Variants in ARHGAP6 observed in about 807,000 individuals in gnomAD.
ARHGAP6 encodes the protein Rho GTPase activating protein 6.
Under a neutral mutation model 55.7 loss-of-function variants are expected in ARHGAP6, and 16 were observed. The ratio of observed to expected loss-of-function variants is 0.29; its 90% CI spans 0.19 to 0.44. The LOEUF is 0.44. Among genes scored for constraint, ARHGAP6 ranks in the 20% least tolerant of loss-of-function variants. The pLI, the probability that ARHGAP6 is intolerant of heterozygous loss-of-function variation, is 1.00. For synonymous variants in ARHGAP6, 382 were observed against 360.9 expected (o/e 1.06, Z -0.66); for missense variants, 698 against 808.9 (o/e 0.86, Z 1.66).
intron 1 of ARHGAP6, among the ~76,000 whole-genome samples, chrX:11,610,747 AT>A (rs1386929274): frequency 8.9e-6 from 1 of 112,003 alleles, no homozygotes; most frequent in East Asian, 2.8e-4. Flanking sequence ...TGCCACCATC[AT>A]CACACTTAAT....
chrX:11,627,214 CAT>C (rs2052308698), intron 1 of ARHGAP6, among the ~76,000 whole-genome samples: 3 of 111,269 alleles, frequency 2.7e-5, no homozygotes, highest in African/African-American at 6.5e-5. Context: ...GTCTCAATAT[CAT>C]ATGTGTGCCA....
intron 1 of ARHGAP6, among the ~76,000 whole-genome samples, chrX:11,500,105 T>C (rs979446450): frequency 8.9e-6 from 1 of 111,999 alleles, no homozygotes; most frequent in African/African-American, 3.2e-5. Flanking sequence ...TTTTCTGTGA[T>C]TTTATAAAAT....
intron 11 of ARHGAP6, chrX:11,143,624 C>T: frequency 2.1e-6 from 2 of 972,350 alleles, no homozygotes; most frequent in Non-Finnish European, 2.6e-6. Flanking sequence ...TGGGTGGCAC[C>T]TCAGACTAGC....
At chrX:11,315,863 A>T (rs1033209102) in intron 1 of ARHGAP6, among the ~76,000 whole-genome samples, 2 of 112,071 alleles carry the variant, frequency 1.8e-5, no homozygotes, top group Non-Finnish European at 3.8e-5. Context: ...TCTTTAAATG[A>T]CATCTATGCA....
intron 1 of ARHGAP6, among the ~76,000 whole-genome samples, chrX:11,368,026 G>T (rs776463985): frequency 4.2e-4 from 47 of 112,403 alleles, no homozygotes; most frequent in Non-Finnish European, 8.1e-4. Flanking sequence ...CTGAAATGCC[G>T]TCTGACTCAT....
chrX:11,318,030 A>G (rs2048380635), intron 1 of ARHGAP6, among the ~76,000 whole-genome samples: 1 of 112,070 alleles, frequency 8.9e-6, no homozygotes, highest in Non-Finnish European at 1.9e-5. Flanking sequence ...AAAAGGAAAT[A>G]TTTTCTTATA....
chrX:11,481,165 G>A (rs1217264066), intron 1 of ARHGAP6, among the ~76,000 whole-genome samples: 1 of 110,936 alleles, frequency 9.0e-6, no homozygotes, highest in East Asian at 2.8e-4. Flanking sequence ...ATATTTTCAT[G>A]GTGATACTAA....
At chrX:11,241,190 T>C (rs770364508) in intron 2 of ARHGAP6, among the ~76,000 whole-genome samples, 2 of 110,254 alleles carry the variant, frequency 1.8e-5, no homozygotes, top group East Asian at 5.7e-4. Context: ...CAAAGGCTAA[T>C]GTTTGAGTTC....
At chrX:11,183,072 C>G (rs2046339943) in intron 5 of ARHGAP6, among the ~76,000 whole-genome samples, 1 of 111,224 alleles carries the variant, frequency 9.0e-6, no homozygotes. Flanking sequence ...ATGCTAGTAA[C>G]AATTCCTTAT....
intron 1 of ARHGAP6, among the ~76,000 whole-genome samples, chrX:11,584,622 C>T (rs886343658): frequency 1.8e-5 from 2 of 111,493 alleles, no homozygotes; most frequent in African/African-American, 6.5e-5. Context: ...GGTCTGCCCA[C>T]AGGCAGTCGT....
At chrX:11,500,614 C>T (rs374013071) in intron 1 of ARHGAP6, among the ~76,000 whole-genome samples, 1 of 96,394 alleles carries the variant, frequency 1.0e-5, no homozygotes, top group East Asian at 3.3e-4. Flanking sequence ...TTAGCCGAGC[C>T]GAGATGGCAC....
intron 1 of ARHGAP6, among the ~76,000 whole-genome samples, chrX:11,456,533 C>T (rs1334452810): frequency 4.5e-5 from 5 of 111,632 alleles, no homozygotes; most frequent in Non-Finnish European, 9.4e-5. Flanking sequence ...TGATATATGA[C>T]AGACCTGGCC....
chrX:11,650,095 T>A (rs376144992), intron 1 of ARHGAP6, among the ~76,000 whole-genome samples: 2 of 107,897 alleles, frequency 1.9e-5, no homozygotes, highest in Middle Eastern at 4.8e-3. Flanking sequence ...CCTGGGCCTA[T>A]GCAATCCTCT....
rs189594790 is a variant in ARHGAP6, at chrX:11,226,605, T to C, written c.748+27943A>G. Among the ~76,000 whole-genome samples, 996 of 112,295 alleles carry C rather than the reference T, an allele frequency of 8.9e-3. 9 individuals are homozygous for C. The highest frequency in any genetic ancestry group is 0.031 in the African/African-American group (966 of 30,967). ...TAAATCTTGTGTATAAAATTGATAC[T>C]TTATGAATACATTAATGAAGATTTC... On this transcript the variant is annotated intron_variant, in intron 2 of 12. Transcript: ENST00000337414.
chrX:11,325,783 A>G (rs888160567), intron 1 of ARHGAP6, among the ~76,000 whole-genome samples: 1 of 112,506 alleles, frequency 8.9e-6, no homozygotes, highest in Admixed American at 9.4e-5. Flanking sequence ...AGTAGCTCTC[A>G]ACTGAGGATG....
chrX:11,450,170 A>C (rs1306501373), intron 1 of ARHGAP6, among the ~76,000 whole-genome samples: 1 of 109,357 alleles, frequency 9.1e-6, no homozygotes, highest in Non-Finnish European at 1.9e-5. Context: ...TAAGTGATTT[A>C]TGCTTGAAAT....
chrX:11,564,410 T>C (rs2147098887), intron 1 of ARHGAP6, among the ~76,000 whole-genome samples: 1 of 111,029 alleles, frequency 9.0e-6, no homozygotes, highest in East Asian at 2.8e-4. Context: ...TTTGCTTAAA[T>C]TAAGGGCCCA....
At chrX:11,204,870 C>T (rs2046681922) in intron 2 of ARHGAP6, among the ~76,000 whole-genome samples, 3 of 112,221 alleles carry the variant, frequency 2.7e-5, no homozygotes, top group Non-Finnish European at 1.9e-5. Context: ...TCCATGGACA[C>T]TGCTACAGTC....
chrX:11,242,199 A>G (rs922446894), intron 2 of ARHGAP6, among the ~76,000 whole-genome samples: 1 of 112,579 alleles, frequency 8.9e-6, no homozygotes, highest in African/African-American at 3.2e-5. Context: ...TTTCTATTAC[A>G]GAAAAATCAT....
Sources: gnomAD v4.1 joint callset for allele counts (sites outside exome capture counted in the v4.1 genomes callset) on GRCh38, gnomAD v4.1.1 for gene constraint, MANE v1.5 for transcripts, NCBI Gene and HGNC (gene_info 2026-07-23, HGNC 2026-07-21) for gene names.